PRKCH: variants seen among roughly 807,000 people sequenced by gnomAD.
PRKCH encodes protein kinase C eta type.
PRKCH carries 28 observed loss-of-function variants against 82.5 expected under a neutral mutation model. The ratio of observed to expected loss-of-function variants is 0.34; its 90% confidence interval spans 0.25 to 0.47. The LOEUF is 0.47. PRKCH is among the 20% of genes least tolerant of loss of function. The pLI is 1.00. For missense variants in PRKCH, 705 were observed against 881.8 expected, an observed-to-expected ratio of 0.80 and a Z score of 2.54; for synonymous variants, 322 against 327.4, an observed-to-expected ratio of 0.98 and a Z score of 0.18.
chr14:61,191,326 G>C (rs956185012), intron 1 of PRKCH, among the ~76,000 whole-genome samples: 9 of 152,044 alleles, frequency 5.9e-5, no homozygotes, highest in African/African-American at 9.7e-5. Flanking sequence ...TTTTTCTCAG[G>C]CTCTCCCGAA....
At chr14:61,390,227 C>T (rs531130823) in intron 1 of PRKCH, among the ~76,000 whole-genome samples, 35 of 152,250 alleles carry the variant, frequency 2.3e-4, no homozygotes, top group Non-Finnish European at 4.3e-4. Context: ...TCATCCTGGG[C>T]GCCATGCTGT....
intron 1 of PRKCH, among the ~76,000 whole-genome samples, chr14:61,194,485 G>T (rs945887354): frequency 3.9e-5 from 6 of 152,138 alleles, no homozygotes; most frequent in African/African-American, 9.7e-5. Flanking sequence ...CAGCAAGAAG[G>T]TATCATCTAT....
chr14:61,258,624 A>G lies in PRKCH; in HGVS notation c.-19+70956A>G, dbSNP rs893018072. ...TACTTTTATGAGAACACAGACATAG[A>G]TTTTTTATGATTTTATAATTATACT... On this transcript the variant is annotated intron_variant, in intron 1 of 3. Coordinates refer to the PRKCH transcript ENST00000555185. Among the ~76,000 whole-genome samples, 5 of 152,298 alleles carry G rather than the reference A, an allele frequency of 3.3e-5. No homozygotes were observed. In the East Asian group the frequency reaches 9.6e-4, roughly 29 times the overall value.
chr14:61,274,393 T>C (rs2045184853), intron 1 of PRKCH, among the ~76,000 whole-genome samples: 1 of 152,158 alleles, frequency 6.6e-6, no homozygotes, highest in African/African-American at 2.4e-5. Flanking sequence ...ACAGGAGTGA[T>C]TTTGCATTGA....
chr14:61,485,928 ATTTTTAT>A (rs1566908455), intron 10 of PRKCH, among the ~76,000 whole-genome samples: 2 of 152,290 alleles, frequency 1.3e-5, no homozygotes, highest in African/African-American at 2.4e-5. Context: ...CACATGGCTA[ATTTTTAT>A]TTTTTATTTT....
chr14:61,210,836 T>G (rs2140045920), intron 1 of PRKCH, among the ~76,000 whole-genome samples: 1 of 151,896 alleles, frequency 6.6e-6, no homozygotes, highest in South Asian at 2.1e-4. Flanking sequence ...GCATTCCATA[T>G]TGCCTGGGTT....
intron 2 of PRKCH, among the ~76,000 whole-genome samples, chr14:61,417,601 G>A (rs746003267): frequency 5.3e-5 from 8 of 152,200 alleles, no homozygotes; most frequent in African/African-American, 7.2e-5. Context: ...AAAGTATATC[G>A]GCACTTGTGC....
At chr14:61,522,052 C>T (rs905594239) in intron 10 of PRKCH, among the ~76,000 whole-genome samples, 5 of 152,158 alleles carry the variant, frequency 3.3e-5, no homozygotes, top group African/African-American at 1.2e-4. Context: ...GCTTAAATAT[C>T]TCCACCTGTA....
At chr14:61,471,829 CA>C (rs1053049784) in intron 9 of PRKCH, among the ~76,000 whole-genome samples, 5 of 152,196 alleles carry the variant, frequency 3.3e-5, no homozygotes, top group South Asian at 2.1e-4. Flanking sequence ...CATTGGTTCC[CA>C]GGGGGGAAGA....
chr14:61,362,380 A>T (rs1421527455), intron 1 of PRKCH, among the ~76,000 whole-genome samples: 1 of 151,578 alleles, frequency 6.6e-6, no homozygotes, highest in Admixed American at 6.6e-5. Context: ...GGCCAAGGGA[A>T]ATGGGGAGAC....
chr14:61,496,544 C>T (rs919924237), intron 10 of PRKCH, among the ~76,000 whole-genome samples: 2 of 152,204 alleles, frequency 1.3e-5, no homozygotes, highest in Non-Finnish European at 2.9e-5. Flanking sequence ...TAAGCCTTTC[C>T]TGGACTCCCC....
intron 10 of PRKCH, among the ~76,000 whole-genome samples, chr14:61,520,417 A>T (rs917386192): frequency 1.1e-4 from 16 of 152,314 alleles, no homozygotes; most frequent in Admixed American, 9.1e-4. Flanking sequence ...AAGTCATGAA[A>T]CCCAGAAGCT....
intron 1 of PRKCH, among the ~76,000 whole-genome samples, chr14:61,340,888 C>A (rs182168984): frequency 2.5e-4 from 38 of 152,340 alleles, no homozygotes; most frequent in Middle Eastern, 3.4e-3. Flanking sequence ...TTACCTCTTT[C>A]CCCACCTCAG....
intron 12 of PRKCH, among the ~76,000 whole-genome samples, chr14:61,532,781 T>C (rs760210485): frequency 7.2e-5 from 11 of 152,228 alleles, no homozygotes; most frequent in Admixed American, 1.3e-4. Flanking sequence ...GGAAACAGCC[T>C]CTGGTGCCTA....
Position 61,385,433 on chromosome 14 carries a change from T to A in PRKCH, c.364-5792T>A, listed in dbSNP as rs970329764. Reference sequence around the variant, plus strand: ...GCCTAACCACTGCACGAGCACAGGATGTGGGAAGCAAAGCCTTATGGCAGC... The same window carrying A: ...GCCTAACCACTGCACGAGCACAGGAAGTGGGAAGCAAAGCCTTATGGCAGC... On this transcript the variant is annotated intron_variant, in intron 1 of 13. Coordinates refer to ENST00000332981, the MANE Select transcript of PRKCH (RefSeq NM_006255.5). Among the ~76,000 whole-genome samples, 76 of 152,230 alleles carry A rather than the reference T, an allele frequency of 5.0e-4. 1 individual carries two copies. The highest frequency in any genetic ancestry group is 2.1e-4 in the Non-Finnish European group (14 of 68,000).
chr14:61,374,041 T>A (rs374333517), intron 1 of PRKCH, among the ~76,000 whole-genome samples: 1 of 152,088 alleles, frequency 6.6e-6, no homozygotes, highest in South Asian at 2.1e-4. Flanking sequence ...GCAATGGGGG[T>A]ACAGGCATTG....
chr14:61,343,527 C>T (rs2045955300), intron 1 of PRKCH, among the ~76,000 whole-genome samples: 1 of 151,996 alleles, frequency 6.6e-6, no homozygotes, highest in Admixed American at 6.6e-5. Context: ...GTGATAGAAC[C>T]AGGACTAGAG....
intron 2 of PRKCH, among the ~76,000 whole-genome samples, chr14:61,416,058 T>TTC (rs1555385120): frequency 3.3e-5 from 4 of 122,978 alleles, no homozygotes; most frequent in South Asian, 5.1e-4. Flanking sequence ...CTTTTCTTTT[T>TTC]TTTTTTTTTT....
chr14:61,441,479 A>G (rs1272171667), intron 2 of PRKCH, among the ~76,000 whole-genome samples: 1 of 152,192 alleles, frequency 6.6e-6, no homozygotes, highest in Non-Finnish European at 1.5e-5. Flanking sequence ...CCAGCTTAAG[A>G]GGTAAAAATG....
Sources: allele counts gnomAD v4.1 joint callset (sites outside exome capture counted in the v4.1 genomes callset), GRCh38; gene constraint gnomAD v4.1.1; transcripts MANE v1.5; gene names NCBI Gene and HGNC (gene_info 2026-07-23, HGNC 2026-07-21).